The following LRP1 variants were observed in gnomAD, a reference collection of about 807,000 sequenced individuals.
LRP1 encodes prolow-density lipoprotein receptor-related protein 1.
LRP1 carries 51 observed loss-of-function variants against 541.5 expected under a neutral mutation model. The ratio of observed to expected loss-of-function variants is 0.09; its 90% CI spans 0.08 to 0.12. The LOEUF (loss-of-function observed/expected upper bound fraction) is 0.12. Ranked by LOEUF, LRP1 falls within the 10% of genes least tolerant of loss-of-function variation. The pLI, the probability that LRP1 is intolerant of heterozygous loss-of-function variation, is 1.00. For synonymous variants in LRP1, 2,219 were observed against 2,470.8 expected, an observed-to-expected ratio of 0.90 and a Z score of 3.02; for missense variants, 3,878 against 6,376.2, an observed-to-expected ratio of 0.61 and a Z score of 13.34.
chr12:57,153,807 A>G (rs541551001), intron 6 of LRP1, among the ~76,000 whole-genome samples: 1 of 152,150 alleles, frequency 6.6e-6, no homozygotes, highest in Non-Finnish European at 1.5e-5. Flanking sequence ...GGTTAGCATG[A>G]GATAACTAGA....
chr12:57,199,383 C>T lies in LRP1; in HGVS notation c.9848C>T (p.Ala3283Val). The change falls in exon 61 of 89, where the codon GCC becomes GTC. Residue 3283 changes from alanine (A) to valine (V), a missense_variant. Around this residue, in one of 13 missense-constraint regions of LRP1, gnomAD observed 1,100 missense variants for 1,827.4 expected, o/e 0.60. Transcript: ENST00000243077. ...HRPMDLHVFH[A>V]LRQPDVPNHP... is the part of the protein sequence containing the mutation. Reference sequence around the variant, plus strand: ...CCCATGGACCTGCATGTCTTCCATGCCCTGCGCCAGCCAGACGGTGAGCAG... The same window carrying T: ...CCCATGGACCTGCATGTCTTCCATGTCCTGCGCCAGCCAGACGGTGAGCAG... The T allele has an allele frequency of 1.9e-6, 3 of 1,610,396 alleles. No homozygotes were observed. The highest frequency in any genetic ancestry group is 2.5e-6 in the Non-Finnish European group (3 of 1,178,824).
chr12:57,195,592 T>C (rs2136730604), intron 52 of LRP1, 66 bp from the exon 53 acceptor site: 2 of 1,611,290 alleles, frequency 1.2e-6, no homozygotes, highest in Non-Finnish European at 1.7e-6. Flanking sequence ...CACAGGAGGT[T>C]AGAGTGAGGG....
At chr12:57,166,758 G>A (rs371848049) in intron 17 of LRP1, among the ~76,000 whole-genome samples, 172 bp from the exon 18 acceptor site, 6 of 152,172 alleles carry the variant, frequency 3.9e-5, no homozygotes, top group Admixed American at 1.3e-4. Context: ...GACCCCTTGA[G>A]AGAAAGAGTA....
chr12:57,207,242 CTAAATAAATAAATAAA>C (rs60649994), intron 76 of LRP1, among the ~76,000 whole-genome samples: 191 of 134,540 alleles, frequency 1.4e-3, no homozygotes, highest in East Asian at 6.3e-3. Flanking sequence ...GACTCGGTCT[CTAAATAAATAAATAAA>C]TAAATAAATA....
intron 79 of LRP1, 54 bp downstream of exon 79, chr12:57,209,253 C>T: frequency 6.9e-7 from 1 of 1,439,782 alleles, no homozygotes; most frequent in South Asian, 1.2e-5. Flanking sequence ...CCTTGCCATC[C>T]TCCCTACTGA....
intron 20 of LRP1, among the ~76,000 whole-genome samples, chr12:57,169,552 C>T (rs1419811946): frequency 6.6e-6 from 1 of 152,204 alleles, no homozygotes; most frequent in Non-Finnish European, 1.5e-5. Context: ...GTTTGAGCTC[C>T]AGCTCTGCAG....
Position 57,173,916 on chromosome 12 carries a change from C to G in LRP1, c.3483C>G (p.Pro1161=), listed in dbSNP as rs772108362. The change falls in exon 22 of 89, where the codon CCC becomes CCG. Residue 1161 remains proline (P), a synonymous_variant. Coordinates refer to ENST00000243077, the MANE Select transcript of LRP1 (RefSeq NM_002332.3). The surrounding 1 kb of genome is among the most constrained non-coding windows in gnomAD (Gnocchi z 4.7). ...PCANNTSVCL[P]PDKLCDGNDD... is the part of the protein sequence containing the mutation. ...CCAACAACACCTCAGTCTGCCTGCC[C>G]CCTGACAAGCTGTGTGATGGCAACG... 12 of 1,614,120 alleles carry G rather than the reference C, an allele frequency of 7.4e-6. No individual in the cohort carries two copies. The South Asian group carries it at 1.2e-4, about 16-fold the overall frequency.
rs146150281 is a variant in LRP1 at position 57,183,626 on chromosome 12, G to A, written c.5794+116G>A. ...TGAATTGGCCTGAGGTGGGGCACTT[G>A]CTACAGCTGCCACCCTGACTCCACC... On this transcript the variant is annotated intron_variant, in intron 35 of 88. Transcript: ENST00000243077. The surrounding 1 kb of genome is among the most constrained non-coding windows in gnomAD (Gnocchi z 6.1). The A allele has an allele frequency of 5.6e-4, 834 of 1,487,008 alleles. 5 individuals are homozygous for A. The African/African-American group carries it at 0.01, about 18-fold the overall frequency. The allele number at this position is 1,487,008 out of a possible 1,614,324, so 92.1% of individuals were successfully genotyped here. A position where few individuals can be genotyped will look rare whatever the true frequency, so the allele number is the denominator to read the frequency against.
At chr12:57,196,367 A>G in intron 55 of LRP1, 90 bp downstream of exon 55, 2 of 1,226,266 alleles carry the variant, frequency 1.6e-6, no homozygotes, top group East Asian at 5.2e-5. Flanking sequence ...CATCCCCTAG[A>G]CAGTGGGGAT....
chr12:57,136,887 T>C (rs4759044), intron 1 of LRP1, among the ~76,000 whole-genome samples: 67,064 of 151,992 alleles, frequency 0.44, 15,069 homozygotes, highest in Admixed American at 0.54. Context: ...GAATTAAATA[T>C]GATGATACAT....
intron 55 of LRP1, among the ~76,000 whole-genome samples, 195 bp from the exon 56 acceptor site, chr12:57,196,787 G>A (rs980321323): frequency 3.3e-5 from 5 of 152,198 alleles, no homozygotes. Flanking sequence ...GAGGGCACAC[G>A]CAGCTCTGTC....
intron 67 of LRP1, 98 bp downstream of exon 67, chr12:57,202,003 T>C (rs956796011): frequency 6.0e-6 from 9 of 1,509,424 alleles, no homozygotes. Flanking sequence ...TGCTTACCGG[T>C]CTCAGCGTGG....
In LRP1 at chr12:57,180,698, G is replaced by A. The variant is rs146010356; in HGVS notation, c.5418G>A (p.Ser1806=). The change falls in exon 33 of 89, where the codon TCG becomes TCA. Residue 1806 remains serine, a synonymous_variant. Coordinates refer to ENST00000243077, the MANE Select transcript of LRP1 (RefSeq NM_002332.3). ...AGCTGTGGTGGGCTGATCAGGTGTC[G>A]GAAAAGATGGGCACATGCAGCAAGG... The part of the protein sequence containing the change: ...GDKLWWADQV[S]EKMGTCSKAD... The A allele has an allele frequency of 1.2e-4, 199 of 1,614,034 alleles. No individual in the cohort carries two copies. The African/African-American group carries it at 2.1e-3, about 17-fold the overall frequency.
chr12:57,161,779 T>C (rs986983815), intron 13 of LRP1, among the ~76,000 whole-genome samples: 3 of 152,076 alleles, frequency 2.0e-5, no homozygotes, highest in South Asian at 4.1e-4. Flanking sequence ...AGGGGCTACC[T>C]CCCCTAGGAT....
chr12:57,171,719 G>A (rs2136693722), intron 20 of LRP1, among the ~76,000 whole-genome samples: 1 of 152,270 alleles, frequency 6.6e-6, no homozygotes, highest in East Asian at 1.9e-4. Context: ...GAAAGTCCCG[G>A]CATGAGATGA....
chr12:57,165,570 C>G lies in LRP1; in HGVS notation c.2531-235C>G, dbSNP rs2035822259. 2 of 505,836 alleles carry G rather than the reference C, an allele frequency of 4.0e-6. No individual in the cohort carries two copies. Among genetic ancestry groups the G allele is most frequent in the South Asian group, 4.9e-5 (2 of 41,094 alleles). The allele number at this position is 505,836 out of a possible 1,614,324, so 31.3% of individuals were successfully genotyped here. A position where few individuals can be genotyped will look rare whatever the true frequency, so the allele number is the denominator to read the frequency against. ...GGGCTCTCTTGGACACCATTTGATTCTCAGGTCACACTGAAGTACAGTAAG... is the reference window on the plus strand; with the variant it reads ...GGGCTCTCTTGGACACCATTTGATTGTCAGGTCACACTGAAGTACAGTAAG... On this transcript the variant is annotated intron_variant, in intron 15 of 88. Coordinates refer to ENST00000243077, the MANE Select transcript of LRP1 (RefSeq NM_002332.3). This position sits in a 1 kb window ranked among gnomAD's most constrained non-coding sequence, Gnocchi z 4.5.
In LRP1 at chr12:57,143,716, C is replaced by A; in HGVS notation, c.366C>A (p.His122Gln). Residue 122 changes from histidine (H) to glutamine (Q), a missense_variant, in exon 4 of 89, where the codon CAC (histidine) becomes CAA (glutamine). Physicochemically the swap from His to Gln is conservative, Grantham distance 24. Around this residue, in one of 13 missense-constraint regions of LRP1, gnomAD observed 293 missense variants for 403.7 expected, o/e 0.73. Coordinates refer to ENST00000243077, the MANE Select transcript of LRP1 (RefSeq NM_002332.3). ...QGNCSRLGCQ[H>Q]HCVPTLDGPT... ...ACTGCTCTCGCCTGGGCTGCCAGCA[C>A]CATTGTGTCCCCACACTCGATGGGC... 1 of 1,614,160 alleles carries A rather than the reference C, an allele frequency of 6.2e-7. No homozygotes were observed. The highest frequency in any genetic ancestry group is 8.5e-7 in the Non-Finnish European group (1 of 1,179,988).
At chr12:57,149,376 G>GCCAGCCCTGTGTCTCCCGGCCCAGAT (rs1224082060) in intron 6 of LRP1, 29 of 529,098 alleles carry the variant, frequency 5.5e-5, no homozygotes, top group African/African-American at 3.8e-4. Context: ...CCTGGCCCGG[G>GCCAGCCCTGTGTCTCCCGGCCCAGAT]CCAGCCCTGT....
In LRP1 at chr12:57,191,021, G is replaced by T; in HGVS notation, c.7236+12G>T. 6.2e-7 allele frequency: 1 copy of T among 1,606,558 alleles called. No individual in the cohort carries two copies. The highest frequency in any genetic ancestry group is 8.5e-7 in the Non-Finnish European group (1 of 1,178,436). Reference sequence around the variant, plus strand: ...GCTCCCACCGCTATGTGAGTCTGCGGGGTGGGTGAGCTGGCGGGCGGCTGA... The same window carrying T: ...GCTCCCACCGCTATGTGAGTCTGCGTGGTGGGTGAGCTGGCGGGCGGCTGA... On this transcript the variant is annotated intron_variant, in intron 43 of 88. Coordinates refer to ENST00000243077, the MANE Select transcript of LRP1 (RefSeq NM_002332.3).
Sources: allele counts gnomAD v4.1 joint callset (sites outside exome capture counted in the v4.1 genomes callset), GRCh38; gene constraint gnomAD v4.1.1; regional missense constraint gnomAD v4.1.1; non-coding constraint Gnocchi (gnomAD v3.1); transcripts MANE v1.5; gene names NCBI Gene and HGNC (gene_info 2026-07-23, HGNC 2026-07-21).